RUNDC3B: variants seen among roughly 807,000 people sequenced by gnomAD.
The protein encoded by RUNDC3B is RUN domain-containing protein 3B.
A neutral mutation model predicts 58.4 loss-of-function variants in RUNDC3B; 33 were observed. The observed-to-expected ratio is 0.56, with a 90% CI of 0.43 to 0.75. The LOEUF is 0.75. RUNDC3B is among the 30% of genes least tolerant of loss of function. The pLI is 0.00. For synonymous variants in RUNDC3B, 193 were observed against 195.2 expected, an observed-to-expected ratio of 0.99 and a Z score of 0.10; for missense variants, 501 against 535.7, an observed-to-expected ratio of 0.94 and a Z score of 0.64.
At chr7:87,654,557 A>G (rs144064872) in intron 2 of RUNDC3B, among the ~76,000 whole-genome samples, 1 of 152,056 alleles carries the variant, frequency 6.6e-6, no homozygotes, top group East Asian at 1.9e-4. Flanking sequence ...GACCCTTCAC[A>G]CTACAGAAGA....
chr7:87,739,915 T>A (rs1002534947), intron 5 of RUNDC3B, 35 bp downstream of exon 5: 3 of 1,028,806 alleles, frequency 2.9e-6, no homozygotes, highest in Admixed American at 3.7e-5. Flanking sequence ...TTTAAATTAT[T>A]CTATATCTTA....
At chr7:87,760,053 G>T (rs542508217) in intron 6 of RUNDC3B, among the ~76,000 whole-genome samples, 16 of 150,334 alleles carry the variant, frequency 1.1e-4, no homozygotes, top group African/African-American at 3.9e-4. Context: ...GTTGGGTTTT[G>T]TTCTGTGATA....
At chr7:87,642,796 G>A (rs2130306860) in intron 1 of RUNDC3B, among the ~76,000 whole-genome samples, 1 of 152,210 alleles carries the variant, frequency 6.6e-6, no homozygotes, top group Middle Eastern at 3.4e-3. Context: ...AATACAAGAT[G>A]TTAATAATAT....
At chr7:87,707,084 G>A (rs2130727027) in intron 3 of RUNDC3B, among the ~76,000 whole-genome samples, 1 of 152,176 alleles carries the variant, frequency 6.6e-6, no homozygotes, top group East Asian at 1.9e-4. Context: ...AAATTGTGAG[G>A]TGATTTTCTA....
In RUNDC3B at chr7:87,814,101, CTT is replaced by C. The variant is rs528299203; in HGVS notation, c.1104-2025_1104-2024del. On this transcript the variant is annotated intron_variant, in intron 9 of 10. Coordinates refer to ENST00000394654, the MANE Select transcript of RUNDC3B (RefSeq NM_001134405.2). ...TCTTGGAGAATGATTTCTTTCTTTC[CTT>C]TTTTTTTTTTTTTTGAGATGGAGTT... is the stretch of plus-strand genomic sequence containing the variant. Among the ~76,000 whole-genome samples the C allele has an allele frequency of 2.2e-4, 31 of 138,646 alleles. 1 individual carries two copies. The highest frequency in any genetic ancestry group is 4.7e-4 in the African/African-American group (18 of 38,072). The allele number at this position is 138,646 out of a possible 152,430, so 91.0% of individuals were successfully genotyped here.
At chr7:87,739,603 G>T (rs1832192575) in intron 4 of RUNDC3B, among the ~76,000 whole-genome samples, 188 bp from the exon 5 acceptor site, 1 of 151,824 alleles carries the variant, frequency 6.6e-6, no homozygotes. Context: ...ATTTGTTGTT[G>T]TTGTTTTGTC....
At chr7:87,804,346 A>T (rs1836324499) in intron 8 of RUNDC3B, among the ~76,000 whole-genome samples, 1 of 152,164 alleles carries the variant, frequency 6.6e-6, no homozygotes, top group Non-Finnish European at 1.5e-5. Flanking sequence ...TAAGCTTTAC[A>T]AGTGTCAGAA....
rs77881424 is a variant in RUNDC3B at position 87,723,328 on chromosome 7, C to T, written c.458+12673C>T. On this transcript the variant is annotated intron_variant, in intron 4 of 10. Transcript: ENST00000394654. ...AAATTTAGAGAAAATGGGTAATATT[C>T]AAAAAATAGTTAATTTTTAAAAATG... 7.0e-3 allele frequency among the ~76,000 whole-genome samples: 1,064 copies of T among 151,996 alleles called. 9 individuals carry two copies. Among genetic ancestry groups the T allele is most frequent in the East Asian group, 0.049 (253 of 5,180 alleles).
intron 4 of RUNDC3B, among the ~76,000 whole-genome samples, chr7:87,733,830 G>A (rs370897894): frequency 1.3e-5 from 2 of 152,290 alleles, no homozygotes; most frequent in East Asian, 3.9e-4. Flanking sequence ...CTCACCTCCT[G>A]CCCTGCAGCT....
At chr7:87,741,933 TAAA>T (rs916655655) in intron 6 of RUNDC3B, among the ~76,000 whole-genome samples, 8 of 152,192 alleles carry the variant, frequency 5.3e-5, no homozygotes, top group African/African-American at 1.9e-4. Context: ...TTTTTTCTCA[TAAA>T]AAAGGATAAA....
chr7:87,716,575 G>A (rs1279344177), intron 4 of RUNDC3B, among the ~76,000 whole-genome samples: 1 of 152,090 alleles, frequency 6.6e-6, no homozygotes, highest in Non-Finnish European at 1.5e-5. Flanking sequence ...TTGTCTCTGC[G>A]TAGCCTGCAA....
At chr7:87,729,305 C>G (rs553112056) in intron 4 of RUNDC3B, among the ~76,000 whole-genome samples, 58 of 152,080 alleles carry the variant, frequency 3.8e-4, no homozygotes, top group Non-Finnish European at 7.5e-4. Flanking sequence ...GTGGTTTTAA[C>G]ATTATATTAA....
At chr7:87,717,948 A>G (rs984092824) in intron 4 of RUNDC3B, among the ~76,000 whole-genome samples, 1 of 152,174 alleles carries the variant, frequency 6.6e-6, no homozygotes, top group African/African-American at 2.4e-5. Context: ...AATATTAGTA[A>G]CAATATAACA....
chr7:87,752,673 G>T, intron 6 of RUNDC3B, among the ~76,000 whole-genome samples: 1 of 151,986 alleles, frequency 6.6e-6, no homozygotes. Flanking sequence ...AGAGGTGTTT[G>T]TAGTATTCTC....
intron 8 of RUNDC3B, among the ~76,000 whole-genome samples, chr7:87,796,620 T>C (rs1337679949): frequency 6.6e-6 from 1 of 152,052 alleles, no homozygotes; most frequent in East Asian, 1.9e-4. Flanking sequence ...AAGAAAGAAA[T>C]TCTGGAGGCC....
chr7:87,697,825 T>A (rs1828628257), intron 2 of RUNDC3B, among the ~76,000 whole-genome samples: 2 of 152,140 alleles, frequency 1.3e-5, no homozygotes, highest in South Asian at 4.1e-4. Context: ...ACCTAAGTCA[T>A]TTTTTCAAGA....
At chr7:87,805,056 G>A (rs1836365722) in intron 8 of RUNDC3B, among the ~76,000 whole-genome samples, 4 of 152,076 alleles carry the variant, frequency 2.6e-5, no homozygotes, top group Admixed American at 2.6e-4. Context: ...CTCACAGAAT[G>A]GATAGAAAGA....
At chr7:87,632,279 C>T (rs1174636805) in intron 1 of RUNDC3B, among the ~76,000 whole-genome samples, 6 of 152,054 alleles carry the variant, frequency 3.9e-5, no homozygotes, top group African/African-American at 1.4e-4. Flanking sequence ...TATTCAAGTG[C>T]AATATATAGT....
chr7:87,628,846 G>C lies in RUNDC3B; in HGVS notation c.23G>C (p.Gly8Ala), dbSNP rs779052957. MASRSLG[G>A]LSGIRGGGGG... ...GCCATGGCCTCCCGGAGCCTGGGGG[G>C]CCTGAGCGGGATCCGCGGCGGTGGC... The change falls in exon 1 of 11, where the codon GGC becomes GCC. Residue 8 changes from glycine (G) to alanine (A), a missense_variant. By Grantham distance (60) the Gly-to-Ala change is moderately conservative. Transcript: ENST00000394654. 1 of 1,267,832 alleles carries C rather than the reference G, an allele frequency of 7.9e-7. No individual in the cohort carries two copies. Among genetic ancestry groups the C allele is most frequent in the Non-Finnish European group, 1.0e-6 (1 of 999,392 alleles). 78.5% of individuals were successfully genotyped at this position (1,267,832 alleles called of 1,614,324 possible).
Sources: gnomAD v4.1 joint callset for allele counts (sites outside exome capture counted in the v4.1 genomes callset) on GRCh38, gnomAD v4.1.1 for gene constraint, MANE v1.5 for transcripts, NCBI Gene and HGNC (gene_info 2026-07-23, HGNC 2026-07-21) for gene names.